RELN: variants seen among roughly 807,000 people sequenced by gnomAD.
RELN encodes reelin.
A neutral mutation model predicts 427.6 loss-of-function variants in RELN; 108 were observed. That is an observed-to-expected ratio of 0.25 (90% confidence interval 0.22 to 0.30). RELN has a LOEUF of 0.30. Ranked by LOEUF, RELN falls within the 10% of genes least tolerant of loss-of-function variation. The pLI is 1.00. For missense variants in RELN, 3,715 were observed against 4,302.8 expected (o/e 0.86, Z 3.82); for synonymous variants, 1,524 against 1,513.4 (o/e 1.01, Z -0.16).
At chr7:103,497,976 C>T (rs1025902840) in intron 54 of RELN, 50 bp from the exon 55 acceptor site, 2 of 1,602,164 alleles carry the variant, frequency 1.2e-6, no homozygotes, top group African/African-American at 1.3e-5. Context: ...AGAACAAATA[C>T]TCTACTCAAG....
intron 52 of RELN, among the ~76,000 whole-genome samples, chr7:103,501,684 T>C (rs1281071832): frequency 6.6e-6 from 1 of 152,220 alleles, no homozygotes; most frequent in East Asian, 1.9e-4. Context: ...ACAATTAAGA[T>C]GTATGTATTT....
chr7:103,834,827 G>A lies in RELN; in HGVS notation c.338-1155C>T, dbSNP rs539859040. 3.9e-5 allele frequency among the ~76,000 whole-genome samples: 6 copies of A among 152,306 alleles called. No homozygotes were observed. In the South Asian group the frequency reaches 1.0e-3, roughly 26 times the overall value. On this transcript the variant is annotated intron_variant, in intron 2 of 64. Coordinates refer to ENST00000428762, the MANE Select transcript of RELN (RefSeq NM_005045.4). The stretch of plus-strand genomic sequence containing the variant: ...ATGCTGCTGAGGATGCAGAGCAAAA[G>A]AAACTCTCATTCATTGCTGGTGGGA...
At chr7:103,850,102 T>C (rs1048443576) in intron 2 of RELN, among the ~76,000 whole-genome samples, 1 of 152,256 alleles carries the variant, frequency 6.6e-6, no homozygotes, top group Non-Finnish European at 1.5e-5. Flanking sequence ...ATGATGGTTA[T>C]GTGTTATGAC....
chr7:103,831,841 T>C (rs377411330), intron 3 of RELN, among the ~76,000 whole-genome samples: 3 of 152,108 alleles, frequency 2.0e-5, no homozygotes, highest in East Asian at 3.9e-4. Flanking sequence ...TTTTGAGTAA[T>C]CAAGGCTGTA....
intron 10 of RELN, among the ~76,000 whole-genome samples, chr7:103,688,000 C>T (rs540981401): frequency 1.9e-4 from 29 of 152,196 alleles, no homozygotes; most frequent in Non-Finnish European, 3.1e-4. Context: ...CCCTTCAGCC[C>T]CAAAGTCCTC....
intron 3 of RELN, among the ~76,000 whole-genome samples, chr7:103,779,001 T>C (rs1791818819): frequency 1.3e-5 from 2 of 152,218 alleles, no homozygotes; most frequent in Admixed American, 1.3e-4. Flanking sequence ...TTACAGTATA[T>C]GGATCAGGAA....
At chr7:103,689,029 T>C (rs796527569) in intron 10 of RELN, among the ~76,000 whole-genome samples, 9 of 152,276 alleles carry the variant, frequency 5.9e-5, no homozygotes, top group African/African-American at 2.2e-4. Flanking sequence ...ATTCAGTAAC[T>C]TAGTTACTCT....
chr7:103,816,860 T>G lies in RELN; in HGVS notation c.473+16677A>C, dbSNP rs150632089. On this transcript the variant is annotated intron_variant, in intron 3 of 64. Coordinates refer to ENST00000428762, the MANE Select transcript of RELN (RefSeq NM_005045.4). ...ATTATTTTTCCTTGCTTATATTTCTTTTTTTTCTTGAGGCAGAGTCTTGCT... is the reference window on the plus strand; with the variant it reads ...ATTATTTTTCCTTGCTTATATTTCTGTTTTTTCTTGAGGCAGAGTCTTGCT... Among the ~76,000 whole-genome samples, 127 of 152,224 alleles carry G rather than the reference T, an allele frequency of 8.3e-4. 1 individual carries two copies. Among genetic ancestry groups the G allele is most frequent in the African/African-American group, 2.5e-3 (103 of 41,522 alleles).
intron 7 of RELN, among the ~76,000 whole-genome samples, chr7:103,725,588 T>C (rs1202837466): frequency 2.0e-5 from 3 of 152,154 alleles, no homozygotes; most frequent in Non-Finnish European, 2.9e-5. Flanking sequence ...AGTAATAATT[T>C]AGTGAAGAAT....
chr7:103,973,250 A>G (rs1796801221), intron 1 of RELN, among the ~76,000 whole-genome samples: 1 of 152,238 alleles, frequency 6.6e-6, no homozygotes, highest in African/African-American at 2.4e-5. Flanking sequence ...TTACTGTAAT[A>G]AGAGAGAGTG....
chr7:103,738,338 C>T (rs1374535328), intron 6 of RELN, among the ~76,000 whole-genome samples: 1 of 152,032 alleles, frequency 6.6e-6, no homozygotes, highest in South Asian at 2.1e-4. Context: ...CCTTTGCAGT[C>T]TCTCTCTGTC....
At chr7:103,500,291 AC>A (rs1321177986) in intron 53 of RELN, among the ~76,000 whole-genome samples, 1 of 152,234 alleles carries the variant, frequency 6.6e-6, no homozygotes, top group Non-Finnish European at 1.5e-5. Context: ...GAATCAGAAC[AC>A]AGAATTTTCT....
intron 2 of RELN, among the ~76,000 whole-genome samples, chr7:103,835,546 G>A (rs566862338): frequency 5.9e-4 from 90 of 152,224 alleles, no homozygotes; most frequent in African/African-American, 2.0e-3. Flanking sequence ...TTGTGTGTAG[G>A]GATAGTGGGT....
At chr7:103,628,295 G>A (rs948744963) in intron 20 of RELN, 7 of 152,126 alleles carry the variant, frequency 4.6e-5, no homozygotes, top group African/African-American at 1.7e-4. Context: ...AAAATGTGTC[G>A]TTTGAGCCCG....
chr7:103,744,831 G>T (rs1238427956), intron 6 of RELN, among the ~76,000 whole-genome samples: 1 of 152,206 alleles, frequency 6.6e-6, no homozygotes, highest in Non-Finnish European at 1.5e-5. Context: ...AATTCTGCCA[G>T]AGGTACAAAG....
intron 1 of RELN, among the ~76,000 whole-genome samples, chr7:103,917,851 G>A (rs953652805): frequency 5.3e-5 from 8 of 152,032 alleles, no homozygotes; most frequent in South Asian, 4.1e-4. Flanking sequence ...AAATATATAC[G>A]TATGCTACTC....
At position 103,906,852 on chromosome 7, in the gene RELN, C is replaced by A. The variant is rs1050821341; in HGVS notation, c.337+10223G>T. 1.1e-4 allele frequency among the ~76,000 whole-genome samples: 16 copies of A among 152,236 alleles called. No homozygotes were observed. In the East Asian group the frequency reaches 2.9e-3, roughly 28 times the overall value. On this transcript the variant is annotated intron_variant, in intron 2 of 64. Coordinates refer to ENST00000428762, the MANE Select transcript of RELN (RefSeq NM_005045.4). ...AAGCAGAACTATTTTCACATCTGAG[C>A]CACAGAACAGGCTAAGCAATTTTAA... is the stretch of plus-strand genomic sequence containing the variant.
intron 1 of RELN, among the ~76,000 whole-genome samples, chr7:103,949,165 T>A (rs1419654112): frequency 6.6e-6 from 1 of 151,994 alleles, no homozygotes; most frequent in Non-Finnish European, 1.5e-5. Context: ...AAAGTTTTAA[T>A]TCTCAAAAAC....
At chr7:103,846,541 CA>C (rs780670083) in intron 2 of RELN, among the ~76,000 whole-genome samples, 1 of 152,122 alleles carries the variant, frequency 6.6e-6, no homozygotes, top group African/African-American at 2.4e-5. Context: ...ACTAAAACAC[CA>C]AAAGCAACGG....
Sources: gnomAD v4.1 joint callset for allele counts (sites outside exome capture counted in the v4.1 genomes callset) on GRCh38, gnomAD v4.1.1 for gene constraint, MANE v1.5 for transcripts, NCBI Gene and HGNC (gene_info 2026-07-23, HGNC 2026-07-21) for gene names.